Variants in CHST11 observed in about 807,000 individuals in gnomAD.
CHST11 encodes carbohydrate sulfotransferase 11.
CHST11 carries 9 observed loss-of-function variants against 30.4 expected under a neutral mutation model. The ratio of observed to expected loss-of-function variants is 0.30; its 90% CI spans 0.18 to 0.52. The LOEUF (loss-of-function observed/expected upper bound fraction) is 0.52, where lower values mean the gene tolerates loss of function less well. Among genes scored for constraint, CHST11 ranks in the 20% least tolerant of loss-of-function variants. CHST11 has a pLI of 0.97. For synonymous variants in CHST11, 152 were observed against 187.8 expected (o/e 0.81, Z 1.56); for missense variants, 348 against 460.6 (o/e 0.76, Z 2.24).
At chr12:104,543,786 A>G (rs185061841) in intron 1 of CHST11, among the ~76,000 whole-genome samples, 200 of 152,170 alleles carry the variant, frequency 1.3e-3, no homozygotes, top group Non-Finnish European at 2.1e-3. Context: ...CTTCCAGTCA[A>G]GGAGCTGATT....
chr12:104,569,557 T>C (rs1324573125), intron 1 of CHST11, among the ~76,000 whole-genome samples: 2 of 152,134 alleles, frequency 1.3e-5, no homozygotes, highest in Non-Finnish European at 2.9e-5. Flanking sequence ...GCATCATAGC[T>C]CTTAGGTACA....
At chr12:104,740,252 T>C (rs944064539) in intron 2 of CHST11, among the ~76,000 whole-genome samples, 5 of 152,232 alleles carry the variant, frequency 3.3e-5, no homozygotes. Flanking sequence ...TCACTTCTTT[T>C]TAGTTTTATA....
At chr12:104,723,867 A>T (rs2040197233) in intron 2 of CHST11, among the ~76,000 whole-genome samples, 1 of 152,248 alleles carries the variant, frequency 6.6e-6, no homozygotes, top group African/African-American at 2.4e-5. Context: ...AAGGAATGAA[A>T]TTTTGACACA....
intron 2 of CHST11, among the ~76,000 whole-genome samples, chr12:104,737,494 C>T (rs995770707): frequency 1.3e-5 from 2 of 152,210 alleles, no homozygotes; most frequent in African/African-American, 2.4e-5. Context: ...GGATGCCTGA[C>T]GCATCACAGA....
At chr12:104,471,352 A>G (rs2037507428) in intron 1 of CHST11, among the ~76,000 whole-genome samples, 1 of 152,180 alleles carries the variant, frequency 6.6e-6, no homozygotes. Flanking sequence ...TAAGAAGAAA[A>G]TCCCCCTTTT....
At chr12:104,579,146 G>A (rs2038713901) in intron 1 of CHST11, among the ~76,000 whole-genome samples, 1 of 152,188 alleles carries the variant, frequency 6.6e-6, no homozygotes, top group African/African-American at 2.4e-5. Flanking sequence ...AGCTCTGCTT[G>A]CTCTTTAAGC....
intron 1 of CHST11, among the ~76,000 whole-genome samples, chr12:104,513,139 T>TGGGGGGGGGGGGGGGG (rs1565969846): frequency 1.7e-3 from 5 of 2,930 alleles, no homozygotes; most frequent in African/African-American, 3.0e-3. Flanking sequence ...GGGGGGGGGT[T>TGGGGGGGGGGGGGGGG]GGGGGTGGGG....
intron 2 of CHST11, among the ~76,000 whole-genome samples, chr12:104,737,471 C>T (rs1242684249): frequency 6.6e-6 from 1 of 152,198 alleles, no homozygotes; most frequent in Non-Finnish European, 1.5e-5. Flanking sequence ...TGGTGACTGT[C>T]AAGTACTTCG....
At chr12:104,645,156 C>T (rs1193013968) in intron 2 of CHST11, among the ~76,000 whole-genome samples, 1 of 152,006 alleles carries the variant, frequency 6.6e-6, no homozygotes, top group African/African-American at 2.4e-5. Flanking sequence ...ACCATGTTAG[C>T]CAGGATGGTC....
intron 1 of CHST11, among the ~76,000 whole-genome samples, chr12:104,466,616 G>C (rs904857533): frequency 2.6e-5 from 4 of 152,182 alleles, no homozygotes; most frequent in Non-Finnish European, 5.9e-5. Context: ...AAGAAGCCTG[G>C]GAAATACAGC....
chr12:104,650,429 G>T (rs1566023135), intron 2 of CHST11, among the ~76,000 whole-genome samples: 1 of 152,192 alleles, frequency 6.6e-6, no homozygotes, highest in East Asian at 1.9e-4. Context: ...CAGAACTCTG[G>T]ATGCCATGAT....
At chr12:104,692,812 G>C (rs553866985) in intron 2 of CHST11, among the ~76,000 whole-genome samples, 150 of 151,744 alleles carry the variant, frequency 9.9e-4, no homozygotes, top group Middle Eastern at 6.8e-3. Context: ...TCTAATGCCT[G>C]ATGATCTGAG....
At position 104,607,155 on chromosome 12, in the gene CHST11, G is replaced by A. The variant is rs536978825; in HGVS notation, c.204+5164G>A. ...TGATAGATAGCCCAGTGAAGGACAGGCCTTTGACTCCTGGCTGGAGCTGTC... is the reference window on the plus strand; with the variant it reads ...TGATAGATAGCCCAGTGAAGGACAGACCTTTGACTCCTGGCTGGAGCTGTC... On this transcript the variant is annotated intron_variant, in intron 2 of 2. Transcript: ENST00000303694. 2.6e-5 allele frequency among the ~76,000 whole-genome samples: 4 copies of A among 152,240 alleles called. No individual in the cohort carries two copies. In the East Asian group the frequency reaches 7.7e-4, roughly 29 times the overall value.
intron 2 of CHST11, among the ~76,000 whole-genome samples, chr12:104,614,920 C>G (rs1252654119): frequency 6.6e-6 from 1 of 152,164 alleles, no homozygotes; most frequent in Non-Finnish European, 1.5e-5. Flanking sequence ...ATCCACACCC[C>G]TCTTCTTGGA....
intron 2 of CHST11, among the ~76,000 whole-genome samples, chr12:104,605,086 T>C (rs2038991278): frequency 7.0e-6 from 1 of 143,086 alleles, no homozygotes; most frequent in Non-Finnish European, 1.5e-5. Flanking sequence ...TTTCTTTACC[T>C]CTATGCTGTC....
At chr12:104,751,294 G>A (rs1343149053) in intron 2 of CHST11, among the ~76,000 whole-genome samples, 2 of 152,200 alleles carry the variant, frequency 1.3e-5, no homozygotes, top group Non-Finnish European at 2.9e-5. Flanking sequence ...GCTCATCTTA[G>A]TAACTTATTG....
At chr12:104,668,209 A>T (rs952083483) in intron 2 of CHST11, among the ~76,000 whole-genome samples, 1 of 152,200 alleles carries the variant, frequency 6.6e-6, no homozygotes, top group African/African-American at 2.4e-5. Flanking sequence ...TCATATAGGG[A>T]CTAAATGAGA....
chr12:104,523,237 G>T (rs1164195226), intron 1 of CHST11, among the ~76,000 whole-genome samples: 1 of 152,128 alleles, frequency 6.6e-6, no homozygotes, highest in Non-Finnish European at 1.5e-5. Context: ...TGTGTGGGTG[G>T]GGTTTCTTGT....
chr12:104,640,750 G>A (rs1345691220), intron 2 of CHST11, among the ~76,000 whole-genome samples: 1 of 152,134 alleles, frequency 6.6e-6, no homozygotes, highest in African/African-American at 2.4e-5. Context: ...CATTGACAGT[G>A]GCTCATCAGT....
Sources: gnomAD v4.1 joint callset for allele counts (sites outside exome capture counted in the v4.1 genomes callset) on GRCh38, gnomAD v4.1.1 for gene constraint, MANE v1.5 for transcripts, NCBI Gene and HGNC (gene_info 2026-07-23, HGNC 2026-07-21) for gene names.